The following PRKN variants were observed in gnomAD, a reference collection of about 807,000 sequenced individuals.
The protein encoded by PRKN is parkin RBR E3 ubiquitin protein ligase.
In PRKN, 56 loss-of-function variants were observed where a neutral mutation model predicts 59.5. The ratio of observed to expected loss-of-function variants is 0.94; its 90% CI spans 0.76 to 1.18. The LOEUF is 1.18. Ranked by LOEUF, PRKN falls within the 50% of genes most tolerant of loss-of-function variation. PRKN has a pLI of 0.00. For missense variants in PRKN, 657 were observed against 596.4 expected, an observed-to-expected ratio of 1.10 and a Z score of -1.06; for synonymous variants, 250 against 222.1, an observed-to-expected ratio of 1.13 and a Z score of -1.12.
At chr6:162,487,602 A>T (rs966838663) in intron 1 of PRKN, among the ~76,000 whole-genome samples, 3 of 152,214 alleles carry the variant, frequency 2.0e-5, no homozygotes, top group Non-Finnish European at 4.4e-5. Context: ...TCCTGGCAAA[A>T]AGCTTCACTA....
chr6:161,941,563 C>T (rs916836627), intron 6 of PRKN, among the ~76,000 whole-genome samples: 1 of 152,216 alleles, frequency 6.6e-6, no homozygotes, highest in South Asian at 2.1e-4. Flanking sequence ...TAGAGAAAGT[C>T]CTCTGTCTTT....
At chr6:162,137,000 A>T (rs1426908192) in intron 4 of PRKN, among the ~76,000 whole-genome samples, 9 of 151,998 alleles carry the variant, frequency 5.9e-5, no homozygotes, top group Non-Finnish European at 1.2e-4. Flanking sequence ...GGGCAGATGT[A>T]TAAAGAGGAA....
chr6:161,861,423 T>A (rs1209416493), intron 6 of PRKN, among the ~76,000 whole-genome samples: 5 of 152,050 alleles, frequency 3.3e-5, no homozygotes, highest in African/African-American at 4.8e-5. Flanking sequence ...CAGGGCCTGT[T>A]GGGCAATGGG....
At chr6:162,157,556 C>T (rs1301597417) in intron 4 of PRKN, among the ~76,000 whole-genome samples, 2 of 150,842 alleles carry the variant, frequency 1.3e-5, no homozygotes, top group Non-Finnish European at 2.9e-5. Flanking sequence ...TTAGAAAATG[C>T]TTCTGCACAT....
At chr6:161,920,557 G>A (rs1055959624) in intron 6 of PRKN, among the ~76,000 whole-genome samples, 3 of 151,882 alleles carry the variant, frequency 2.0e-5, no homozygotes, top group Non-Finnish European at 2.9e-5. Flanking sequence ...TTGGGAGGCC[G>A]AAGTGGATCA....
intron 1 of PRKN, among the ~76,000 whole-genome samples, chr6:162,602,824 G>A (rs1781762745): frequency 6.6e-6 from 1 of 152,156 alleles, no homozygotes. Context: ...CAAAAGCAGA[G>A]AGTGGCCTTT....
intron 1 of PRKN, among the ~76,000 whole-genome samples, chr6:162,641,139 T>G (rs1249320655): frequency 6.6e-6 from 1 of 152,150 alleles, no homozygotes; most frequent in Non-Finnish European, 1.5e-5. Context: ...CTTATACAAA[T>G]TTAACCTAGT....
At chr6:162,606,505 G>A (rs1472069207) in intron 1 of PRKN, among the ~76,000 whole-genome samples, 1 of 152,128 alleles carries the variant, frequency 6.6e-6, no homozygotes, top group African/African-American at 2.4e-5. Flanking sequence ...CCATTGAGAG[G>A]TCATAAACTT....
intron 5 of PRKN, among the ~76,000 whole-genome samples, chr6:161,988,513 T>TA (rs953291244): frequency 1.3e-5 from 2 of 151,184 alleles, no homozygotes; most frequent in South Asian, 2.1e-4. Flanking sequence ...TAAAATAAAA[T>TA]AAATAAATAA....
intron 6 of PRKN, among the ~76,000 whole-genome samples, chr6:161,916,960 C>T (rs1471303187): frequency 1.3e-5 from 2 of 152,034 alleles, no homozygotes; most frequent in East Asian, 3.9e-4. Flanking sequence ...CGCCACCATG[C>T]CCGGCTAAAT....
chr6:161,687,645 CG>C (rs1296814831), intron 7 of PRKN, among the ~76,000 whole-genome samples: 2 of 151,140 alleles, frequency 1.3e-5, no homozygotes, highest in Non-Finnish European at 2.9e-5. Context: ...TTAATAGAGA[CG>C]GGGTGTCACC....
intron 2 of PRKN, among the ~76,000 whole-genome samples, chr6:162,332,457 A>G (rs1204889361): frequency 2.0e-5 from 3 of 152,154 alleles, no homozygotes; most frequent in Non-Finnish European, 4.4e-5. Context: ...CCTCTCCTTT[A>G]GGACGCACAT....
intron 4 of PRKN, among the ~76,000 whole-genome samples, chr6:162,184,328 A>G (rs1006086581): frequency 6.6e-6 from 1 of 152,144 alleles, no homozygotes; most frequent in Non-Finnish European, 1.5e-5. Flanking sequence ...TCCAACATTT[A>G]CAAATTTGGG....
intron 6 of PRKN, among the ~76,000 whole-genome samples, chr6:161,930,378 G>A (rs567244494): frequency 2.0e-5 from 3 of 152,328 alleles, no homozygotes; most frequent in East Asian, 1.9e-4. Flanking sequence ...GATGTATGAT[G>A]TGCAGACAAA....
At chr6:161,968,916 T>C (rs1019508143) in intron 6 of PRKN, among the ~76,000 whole-genome samples, 1 of 152,236 alleles carries the variant, frequency 6.6e-6, no homozygotes, top group Non-Finnish European at 1.5e-5. Flanking sequence ...TGTAGACTTT[T>C]TGTATAGCTT....
intron 1 of PRKN, among the ~76,000 whole-genome samples, chr6:162,700,942 A>G (rs1050958453): frequency 6.6e-6 from 1 of 152,110 alleles, no homozygotes; most frequent in Non-Finnish European, 1.5e-5. Context: ...ATACTTTGCT[A>G]TTAATTAATT....
intron 1 of PRKN, among the ~76,000 whole-genome samples, chr6:162,598,267 C>G (rs1197039931): frequency 6.6e-6 from 1 of 152,074 alleles, no homozygotes; most frequent in African/African-American, 2.4e-5. Context: ...CCTATGCAAT[C>G]GTTTTTATTT....
At chr6:162,586,772 A>AAG (rs371112110) in intron 1 of PRKN, among the ~76,000 whole-genome samples, 12 of 152,154 alleles carry the variant, frequency 7.9e-5, no homozygotes, top group African/African-American at 2.2e-4. Flanking sequence ...GACACAGAAA[A>AAG]AGAGAGAGAG....
At chr6:162,523,981 C>T (rs961605155) in intron 1 of PRKN, among the ~76,000 whole-genome samples, 13 of 152,074 alleles carry the variant, frequency 8.5e-5, no homozygotes, top group South Asian at 6.2e-4. Context: ...ATCCAGAATA[C>T]GGGCTTTGCT....
Sources: allele counts gnomAD v4.1 joint callset (sites outside exome capture counted in the v4.1 genomes callset), GRCh38; gene constraint gnomAD v4.1.1; transcripts MANE v1.5; gene names NCBI Gene and HGNC (gene_info 2026-07-23, HGNC 2026-07-21).